Variants in DAB1 observed in about 807,000 individuals in gnomAD.
DAB1 encodes the protein DAB adaptor protein 1, also known as disabled homolog 1.
In DAB1, 15 loss-of-function variants were observed where a neutral mutation model predicts 64.6. The ratio of observed to expected loss-of-function variants is 0.23; its 90% confidence interval spans 0.16 to 0.36. DAB1 has a LOEUF of 0.36. DAB1 is among the 10% of genes least tolerant of loss of function. DAB1 has a pLI of 1.00. For synonymous variants in DAB1, 235 were observed against 251.9 expected, an observed-to-expected ratio of 0.93 and a Z score of 0.64; for missense variants, 596 against 706.7, an observed-to-expected ratio of 0.84 and a Z score of 1.78.
chr1:58,353,544 A>C (rs1644079194), intron 3 of DAB1, among the ~76,000 whole-genome samples: 1 of 152,190 alleles, frequency 6.6e-6, no homozygotes, highest in Non-Finnish European at 1.5e-5. Flanking sequence ...ATCGAGTTTA[A>C]AATTAGTGGA....
At chr1:57,423,768 C>A (rs1685115144) in intron 1 of DAB1, among the ~76,000 whole-genome samples, 162 bp downstream of exon 1, 1 of 152,110 alleles carries the variant, frequency 6.6e-6, no homozygotes, top group Admixed American at 6.5e-5. Context: ...CAGTCGCCAT[C>A]CTCCCAGCAC....
At chr1:58,015,897 C>A (rs1336423530) in intron 5 of DAB1, among the ~76,000 whole-genome samples, 1 of 152,084 alleles carries the variant, frequency 6.6e-6, no homozygotes, top group Non-Finnish European at 1.5e-5. Flanking sequence ...GCAAGGAGGA[C>A]ACAAGAAAGA....
At chr1:58,412,941 G>A (rs1449740967) in intron 3 of DAB1, among the ~76,000 whole-genome samples, 1 of 152,226 alleles carries the variant, frequency 6.6e-6, no homozygotes, top group Admixed American at 6.5e-5. Context: ...GTAAAATGAA[G>A]AGAGACCTAT....
chr1:58,003,252 T>A (rs975299852), intron 5 of DAB1, among the ~76,000 whole-genome samples: 1 of 152,172 alleles, frequency 6.6e-6, no homozygotes, highest in African/African-American at 2.4e-5. Flanking sequence ...TTCAGGCTAT[T>A]GAGTGTATTG....
intron 4 of DAB1, among the ~76,000 whole-genome samples, chr1:58,164,189 TAAA>T (rs71691727): frequency 6.1e-5 from 7 of 115,462 alleles, no homozygotes; most frequent in Admixed American, 9.3e-5. Flanking sequence ...GAGCTCAGCT[TAAA>T]AAAAAAAAAA....
chr1:58,035,297 T>G (rs1208784956), intron 5 of DAB1, among the ~76,000 whole-genome samples: 3 of 152,244 alleles, frequency 2.0e-5, no homozygotes, highest in Admixed American at 2.0e-4. Flanking sequence ...CAATAAGAGC[T>G]ATGCCCAACG....
At chr1:58,288,019 CAAAAAAAAAA>C (rs763850453) in intron 4 of DAB1, among the ~76,000 whole-genome samples, 1 of 21,980 alleles carries the variant, frequency 4.5e-5, no homozygotes, top group Non-Finnish European at 1.2e-4. Flanking sequence ...AAGACTGCCT[CAAAAAAAAAA>C]AAAAAAAAAA....
intron 6 of DAB1, among the ~76,000 whole-genome samples, chr1:57,801,356 C>T (rs754571122): frequency 3.9e-5 from 6 of 152,120 alleles, no homozygotes; most frequent in African/African-American, 7.2e-5. Flanking sequence ...TGTGAAGATG[C>T]CAGGTTCAAT....
chr1:57,051,479 G>A (rs1457912892), intron 9 of DAB1, among the ~76,000 whole-genome samples: 1 of 152,194 alleles, frequency 6.6e-6, no homozygotes, highest in Non-Finnish European at 1.5e-5. Flanking sequence ...GTTGTCCAGA[G>A]AATTCTTGCA....
At chr1:57,854,246 A>C (rs1416091144) in intron 1 of DAB1, among the ~76,000 whole-genome samples, 1 of 152,210 alleles carries the variant, frequency 6.6e-6, no homozygotes, top group African/African-American at 2.4e-5. Context: ...ATTTTAGCTC[A>C]GATGAATAAA....
intron 5 of DAB1, among the ~76,000 whole-genome samples, chr1:57,911,960 C>T (rs1306192858): frequency 6.6e-6 from 1 of 152,220 alleles, no homozygotes; most frequent in Non-Finnish European, 1.5e-5. Context: ...TGTATTAAAC[C>T]CCCTCCATGT....
chr1:57,592,229 CTATGTCTTCTGG>C (rs1160096257), intron 7 of DAB1, among the ~76,000 whole-genome samples: 3 of 152,148 alleles, frequency 2.0e-5, no homozygotes. Context: ...CTGCCTTAGG[CTATGTCTTCTGG>C]GAAGCCATCT....
At chr1:58,274,649 G>A (rs146927594) in intron 4 of DAB1, among the ~76,000 whole-genome samples, 3,373 of 152,040 alleles carry the variant, frequency 0.022, 246 homozygotes, top group East Asian at 0.22. Context: ...TGTGCTAGCA[G>A]TCAGCGAGAT....
chr1:57,373,348 G>A (rs1422650984), intron 1 of DAB1, among the ~76,000 whole-genome samples: 1 of 152,054 alleles, frequency 6.6e-6, no homozygotes, highest in Non-Finnish European at 1.5e-5. Context: ...ACATAACGGG[G>A]CTGATAGGCC....
intron 3 of DAB1, among the ~76,000 whole-genome samples, chr1:58,505,142 G>C (rs1263272733): frequency 6.6e-6 from 1 of 152,100 alleles, no homozygotes; most frequent in Non-Finnish European, 1.5e-5. Context: ...AGTAGAGACA[G>C]GGTTTCACCC....
intron 3 of DAB1, among the ~76,000 whole-genome samples, chr1:58,387,086 C>T (rs1285702874): frequency 6.6e-6 from 1 of 151,972 alleles, no homozygotes; most frequent in Admixed American, 6.6e-5. Flanking sequence ...AACAAAAAAA[C>T]AAACAAACAA....
chr1:58,494,862 G>A (rs1440373414), intron 3 of DAB1, among the ~76,000 whole-genome samples: 2 of 152,250 alleles, frequency 1.3e-5, no homozygotes, highest in African/African-American at 2.4e-5. Flanking sequence ...TCAGTGTGGC[G>A]ATTCCTCAGG....
chr1:57,227,508 T>C (rs868632964), intron 2 of DAB1, among the ~76,000 whole-genome samples: 2 of 145,862 alleles, frequency 1.4e-5, no homozygotes, highest in Non-Finnish European at 3.0e-5. Context: ...GGAGGCAGGA[T>C]TTTTTTTCTT....
chr1:57,594,820 C>T (rs973947216), intron 7 of DAB1, among the ~76,000 whole-genome samples: 1 of 152,262 alleles, frequency 6.6e-6, no homozygotes, highest in East Asian at 1.9e-4. Flanking sequence ...ACGCCATTCT[C>T]CTGCCTCAGC....
Sources: allele counts gnomAD v4.1 joint callset (sites outside exome capture counted in the v4.1 genomes callset), GRCh38; gene constraint gnomAD v4.1.1; transcripts MANE v1.5; gene names NCBI Gene and HGNC (gene_info 2026-07-23, HGNC 2026-07-21).